The following PRDM5 variants were observed in gnomAD, a reference collection of about 807,000 sequenced individuals.
The protein encoded by PRDM5 is PR domain zinc finger protein 5.
A neutral mutation model predicts 81.2 loss-of-function variants in PRDM5; 56 were observed. That is an observed-to-expected ratio of 0.69 (90% confidence interval 0.56 to 0.86). The LOEUF is 0.86. PRDM5 is among the 40% of genes least tolerant of loss of function. PRDM5 has a pLI of 0.00. For missense variants in PRDM5, 697 were observed against 770.1 expected, an observed-to-expected ratio of 0.91 and a Z score of 1.12; for synonymous variants, 267 against 256.4, an observed-to-expected ratio of 1.04 and a Z score of -0.39.
chr4:120,806,104 T>A (rs995803278), intron 8 of PRDM5, among the ~76,000 whole-genome samples: 14 of 152,020 alleles, frequency 9.2e-5, no homozygotes, highest in African/African-American at 3.4e-4. Flanking sequence ...CACAATTGCT[T>A]CAAAGAGAAT....
At chr4:120,720,820 C>T (rs1738494041) in intron 14 of PRDM5, among the ~76,000 whole-genome samples, 1 of 152,180 alleles carries the variant, frequency 6.6e-6, no homozygotes, top group South Asian at 2.1e-4. Flanking sequence ...ATATTTAAAG[C>T]AGGTTTCTAT....
At chr4:120,866,550 A>G (rs895281902) in intron 2 of PRDM5, among the ~76,000 whole-genome samples, 1 of 152,198 alleles carries the variant, frequency 6.6e-6, no homozygotes, top group Non-Finnish European at 1.5e-5. Flanking sequence ...TACTCCTCAA[A>G]ACAACTCTAT....
chr4:120,713,222 C>T (rs1578445336), intron 14 of PRDM5, among the ~76,000 whole-genome samples: 1 of 152,040 alleles, frequency 6.6e-6, no homozygotes, highest in African/African-American at 2.4e-5. Flanking sequence ...TTCTTTTTTA[C>T]CTTGAAATTA....
At chr4:120,918,223 G>C (rs1724445523) in intron 1 of PRDM5, among the ~76,000 whole-genome samples, 1 of 152,180 alleles carries the variant, frequency 6.6e-6, no homozygotes, top group African/African-American at 2.4e-5. Context: ...GAAATACAAA[G>C]CTGCCTTGAG....
At chr4:120,871,921 G>C (rs1052169772) in intron 2 of PRDM5, among the ~76,000 whole-genome samples, 1 of 151,952 alleles carries the variant, frequency 6.6e-6, no homozygotes, top group African/African-American at 2.4e-5. Context: ...GGGAGGCCGA[G>C]GTGGGCAGAT....
chr4:120,842,215 T>A (rs1383097229), intron 3 of PRDM5, among the ~76,000 whole-genome samples: 2 of 152,198 alleles, frequency 1.3e-5, no homozygotes, highest in Non-Finnish European at 2.9e-5. Context: ...ATAAAACTAC[T>A]TAGCAGTAGA....
intron 1 of PRDM5, among the ~76,000 whole-genome samples, chr4:120,917,158 C>T (rs1054689004): frequency 2.6e-5 from 4 of 152,306 alleles, no homozygotes; most frequent in Middle Eastern, 3.4e-3. Flanking sequence ...CAACTGCTTG[C>T]TCATTGCATT....
Position 120,777,280 on chromosome 4 carries a change from G to A in PRDM5, c.1445C>T (p.Thr482Ile). 4 of 1,613,194 alleles carry A rather than the reference G, an allele frequency of 2.5e-6. No individual in the cohort carries two copies. The highest frequency in any genetic ancestry group is 2.5e-6 in the Non-Finnish European group (3 of 1,179,414). Residue 482 changes from threonine to isoleucine, a missense_variant and splice_region_variant, in exon 13 of 16, where the codon ACA becomes ATA. By Grantham distance (89) the Thr-to-Ile change is moderately conservative. This residue lies in a region of PRDM5 where 577 missense variants were observed against 606.7 expected (regional missense o/e 0.95). Transcript: ENST00000264808. The stretch of plus-strand genomic sequence containing the variant: ...GATTTTCTCCTTTTCTCCTGTATGT[G>A]TCTAAAAGGAAAGGGATAAAAAGGC... ...TPSVLRSHKK[T>I]HTGEKEKICP... is the part of the protein sequence containing the mutation.
At position 120,922,499 on chromosome 4, in the gene PRDM5, G is replaced by A. The variant is rs757920628; in HGVS notation, c.93+17C>T. The A allele has an allele frequency of 2.5e-6, 4 of 1,586,184 alleles. No individual in the cohort carries two copies. The highest frequency in any genetic ancestry group is 3.4e-6 in the Non-Finnish European group (4 of 1,167,568). ...CGCGAGGTGCAGGGGCGCGCAGGCCGCCGCCGGGTCACCCACCTTTCGCAC... is the reference window on the plus strand; with the variant it reads ...CGCGAGGTGCAGGGGCGCGCAGGCCACCGCCGGGTCACCCACCTTTCGCAC... On this transcript the variant is annotated intron_variant, in intron 1 of 15. Transcript: ENST00000264808.
intron 14 of PRDM5, among the ~76,000 whole-genome samples, chr4:120,741,008 C>T (rs919541972): frequency 6.6e-6 from 1 of 152,140 alleles, no homozygotes; most frequent in African/African-American, 2.4e-5. Flanking sequence ...CTGGCCTGCC[C>T]TCTACCATAC....
intron 1 of PRDM5, among the ~76,000 whole-genome samples, chr4:120,915,062 AGTG>A (rs1723964334): frequency 6.6e-6 from 1 of 152,102 alleles, no homozygotes; most frequent in African/African-American, 2.4e-5. Flanking sequence ...TTACTCAGTG[AGTG>A]GTACACCAAA....
At chr4:120,795,741 T>C (rs1284509986) in intron 10 of PRDM5, among the ~76,000 whole-genome samples, 1 of 152,022 alleles carries the variant, frequency 6.6e-6, no homozygotes, top group East Asian at 1.9e-4. Context: ...GGTGAAACCC[T>C]GTCTCTATTA....
At chr4:120,772,555 A>G (rs934943841) in intron 13 of PRDM5, among the ~76,000 whole-genome samples, 2 of 152,200 alleles carry the variant, frequency 1.3e-5, no homozygotes, top group Admixed American at 6.5e-5. Context: ...AAAATTTACT[A>G]TGAAGAATGC....
At position 120,853,436 on chromosome 4, in the gene PRDM5, C is replaced by A. The variant is rs201700872; in HGVS notation, c.282G>T (p.Lys94Asn). ...AGCTCACTTGAATGGCAGCCAAGTT[C>A]TTCTGCTCCTGAGATGGTGCCTCAT... ...FVHEAPSQEQ[K>N]NLAAIQEGEN... is the part of the protein sequence containing the mutation. Residue 94 changes from lysine (K) to asparagine (N), a missense_variant, in exon 3 of 16, where the codon AAG becomes AAT. Physicochemically the swap from Lys to Asn is moderately conservative, Grantham distance 94. Transcript: ENST00000264808. 6.2e-7 allele frequency: 1 copy of A among 1,613,734 alleles called. No individual in the cohort carries two copies. The highest frequency in any genetic ancestry group is 2.2e-5 in the East Asian group (1 of 44,866).
chr4:120,911,094 A>T (rs1318616878), intron 1 of PRDM5, among the ~76,000 whole-genome samples: 2 of 152,194 alleles, frequency 1.3e-5, no homozygotes, highest in Admixed American at 6.6e-5. Flanking sequence ...AGGGCAACAC[A>T]ACACCAGATA....
chr4:120,827,976 G>A (rs577296733), intron 3 of PRDM5, among the ~76,000 whole-genome samples: 72 of 152,178 alleles, frequency 4.7e-4, no homozygotes, highest in African/African-American at 1.7e-3. Flanking sequence ...AGAACACTTA[G>A]AAGAAATAAC....
chr4:120,916,401 A>AC (rs1724171609), intron 1 of PRDM5, among the ~76,000 whole-genome samples: 2 of 151,586 alleles, frequency 1.3e-5, no homozygotes, highest in African/African-American at 4.9e-5. Context: ...ATAAATAAAT[A>AC]AATAAATAAA....
At chr4:120,738,184 G>C (rs966524164) in intron 14 of PRDM5, among the ~76,000 whole-genome samples, 1 of 152,172 alleles carries the variant, frequency 6.6e-6, no homozygotes, top group East Asian at 1.9e-4. Context: ...GATCACCCAC[G>C]CTTGAGTTTG....
chr4:120,886,005 G>A (rs1337424070), intron 2 of PRDM5, among the ~76,000 whole-genome samples: 1 of 152,114 alleles, frequency 6.6e-6, no homozygotes, highest in Admixed American at 6.6e-5. Context: ...CCCATCTTAT[G>A]AATGGCAGAT....
Sources: gnomAD v4.1 joint callset for allele counts (sites outside exome capture counted in the v4.1 genomes callset) on GRCh38, gnomAD v4.1.1 for gene constraint, gnomAD v4.1.1 regional missense constraint, MANE v1.5 for transcripts, NCBI Gene and HGNC (gene_info 2026-07-23, HGNC 2026-07-21) for gene names.